Variants in CYP2U1 observed in about 807,000 individuals in gnomAD.
CYP2U1 encodes the protein cytochrome P450 family 2 subfamily U member 1, also known as cytochrome P450 2U1.
CYP2U1 carries 28 observed loss-of-function variants against 42.8 expected under a neutral mutation model. The ratio of observed to expected loss-of-function variants is 0.65; its 90% CI spans 0.48 to 0.90. CYP2U1 has a LOEUF of 0.90. Ranked by LOEUF, CYP2U1 falls within the 40% of genes least tolerant of loss-of-function variation. The probability of loss-of-function intolerance (pLI) is 0.00; values close to 1 mark genes in which losing one functional copy is unlikely to be tolerated. For missense variants in CYP2U1, 642 were observed against 693.8 expected (o/e 0.93, Z 0.84); for synonymous variants, 296 against 278.9 (o/e 1.06, Z -0.61).
Position 107,947,355 on chromosome 4 carries a change from T to G in CYP2U1, c.1127-21T>G. The G allele has an allele frequency of 1.9e-6, 3 of 1,613,300 alleles. No individual in the cohort carries two copies. In the South Asian group the frequency reaches 3.3e-5, roughly 18 times the overall value. On this transcript the variant is annotated intron_variant, in intron 2 of 4. Transcript: ENST00000332884. Reference sequence around the variant, plus strand: ...TCTGTCCCATGCTTATCTTCTGGTTTATTTTTCCCTTTTTACATAGAAAAG... The same window carrying G: ...TCTGTCCCATGCTTATCTTCTGGTTGATTTTTCCCTTTTTACATAGAAAAG...
At position 107,945,370 on chromosome 4, in the gene CYP2U1, C is replaced by T. The variant is rs1733661296; in HGVS notation, c.891C>T (p.Phe297=). Residue 297 remains phenylalanine (F), a synonymous_variant, in exon 2 of 5, where the codon TTC becomes TTT. Coordinates refer to ENST00000332884, the MANE Select transcript of CYP2U1 (RefSeq NM_183075.3). The stretch of plus-strand genomic sequence containing the variant: ...AAATTGAAAAGGATATAACCAGTTT[C>T]CTTAAAAAAATCATCAAAGACCATC... ...LRQIEKDITS[F]LKKIIKDHQE... The T allele has an allele frequency of 6.2e-7, 1 of 1,614,018 alleles. No individual in the cohort carries two copies. Among genetic ancestry groups the T allele is most frequent in the Non-Finnish European group, 8.5e-7 (1 of 1,180,006 alleles).
In CYP2U1 at chr4:107,953,143, C is replaced by G. The variant is rs1225281899; in HGVS notation, c.*2720C>G. 2 of 152,174 alleles carry G rather than the reference C, an allele frequency of 1.3e-5. No individual in the cohort carries two copies. The highest frequency in any genetic ancestry group is 2.9e-5 in the Non-Finnish European group (2 of 68,026). The allele number at this position is 152,174 out of a possible 1,614,324, so 9.4% of individuals were successfully genotyped here. ...TATATTACTCCTTAAATTATACATG[C>G]ATTTTCAATATTCCTAACCAAATAG... On this transcript the variant is annotated 3_prime_UTR_variant, in exon 5 of 5. Coordinates refer to ENST00000332884, the MANE Select transcript of CYP2U1 (RefSeq NM_183075.3).
Position 107,931,553 on chromosome 4 carries a change from C to A in CYP2U1, c.-91C>A. ...CCTGCCCGCCCCCGACCTTCCAGAGCAGAGCAGGACACTGGCGCCGCGGGT... is the reference window on the plus strand; with the variant it reads ...CCTGCCCGCCCCCGACCTTCCAGAGAAGAGCAGGACACTGGCGCCGCGGGT... On this transcript the variant is annotated 5_prime_UTR_variant, in exon 1 of 5. Transcript: ENST00000332884. 1 of 1,175,298 alleles carries A rather than the reference C, an allele frequency of 8.5e-7. No individual in the cohort carries two copies. The highest frequency in any genetic ancestry group is 1.1e-6 in the Non-Finnish European group (1 of 944,006). The allele number at this position is 1,175,298 out of a possible 1,614,324, so 72.8% of individuals were successfully genotyped here.
intron 3 of CYP2U1, 147 bp from the exon 4 acceptor site, chr4:107,949,203 T>C (rs755602411): frequency 4.6e-5 from 31 of 679,608 alleles, no homozygotes; most frequent in Non-Finnish European, 6.2e-5. Context: ...TAAGATCTTA[T>C]CCCTGCCCTC....
intron 4 of CYP2U1, among the ~76,000 whole-genome samples, 161 bp downstream of exon 4, chr4:107,949,678 G>T (rs1053239731): frequency 6.6e-6 from 1 of 152,152 alleles, no homozygotes; most frequent in African/African-American, 2.4e-5. Context: ...GTTCATTTCA[G>T]ATTTTAATAA....
rs1249279348 is a variant in CYP2U1 at position 107,949,666 on chromosome 4, A to G, written c.1456+149A>G. The G allele has an allele frequency of 5.8e-6, 4 of 689,772 alleles. No homozygotes were observed. In the East Asian group the frequency reaches 9.4e-5, roughly 16 times the overall value. The allele number at this position is 689,772 out of a possible 1,614,324, so 42.7% of individuals were successfully genotyped here. On this transcript the variant is annotated intron_variant, in intron 4 of 4. Transcript: ENST00000332884. ...ATAATTTAGACAAGGCATCTCCCCT[A>G]TGTTCATTTCAGATTTTAATAAAGC...
At chr4:107,948,044 G>A (rs1262042503) in intron 3 of CYP2U1, among the ~76,000 whole-genome samples, 1 of 152,142 alleles carries the variant, frequency 6.6e-6, no homozygotes, top group African/African-American at 2.4e-5. Context: ...GAGGCAGGTG[G>A]ATCACTTGAG....
chr4:107,947,164 C>T (rs1278025031), intron 2 of CYP2U1, among the ~76,000 whole-genome samples: 1 of 152,120 alleles, frequency 6.6e-6, no homozygotes, highest in Non-Finnish European at 1.5e-5. Context: ...TACACTATCC[C>T]ACTTCTAAGT....
rs952342320 is a variant in CYP2U1, at chr4:107,951,607, A to C, written c.*1184A>C. ...CTGCTGCCATGGGACCAGGATGCTA[A>C]ATGTCAAGGTAGTCCTATACAGTGA... On this transcript the variant is annotated 3_prime_UTR_variant, in exon 5 of 5. Coordinates refer to ENST00000332884, the MANE Select transcript of CYP2U1 (RefSeq NM_183075.3). The C allele has an allele frequency of 1.3e-5, 2 of 152,202 alleles. No individual in the cohort carries two copies. Among genetic ancestry groups the C allele is most frequent in the African/African-American group, 4.8e-5 (2 of 41,428 alleles). The allele number at this position is 152,202 out of a possible 1,614,324, so 9.4% of individuals were successfully genotyped here.
intron 1 of CYP2U1, 70 bp downstream of exon 1, chr4:107,932,203 A>C (rs1733027128): frequency 2.6e-6 from 4 of 1,513,158 alleles, no homozygotes; most frequent in Non-Finnish European, 2.6e-6. Flanking sequence ...TGGGGGCTGC[A>C]GTTCCTGTGC....
At chr4:107,943,164 C>G (rs1376924400) in intron 1 of CYP2U1, among the ~76,000 whole-genome samples, 2 of 152,194 alleles carry the variant, frequency 1.3e-5, no homozygotes, top group African/African-American at 2.4e-5. Context: ...TTTCAGCCTT[C>G]TGATTGACAA....
At position 107,932,105 on chromosome 4, in the gene CYP2U1, G is replaced by A. The variant is rs1733015931; in HGVS notation, c.462G>A (p.Pro154=). Residue 154 remains proline (P), a synonymous_variant, in exon 1 of 5, where the codon CCG becomes CCA. Coordinates refer to ENST00000332884, the MANE Select transcript of CYP2U1 (RefSeq NM_183075.3). ...AEVFSDRPRV[P]LISIVTKEKG... ...TCTTCAGCGACCGCCCGCGGGTGCC[G>A]CTCATCTCCATCGTGACCAAGGAGA... 3 of 1,601,542 alleles carry A rather than the reference G, an allele frequency of 1.9e-6. No homozygotes were observed.
rs540769307 is a variant in CYP2U1, at chr4:107,952,884, G to A, written c.*2461G>A. 6 of 152,164 alleles carry A rather than the reference G, an allele frequency of 3.9e-5. No individual in the cohort carries two copies. The highest frequency in any genetic ancestry group is 1.9e-4 in the East Asian group (1 of 5,184). The allele number at this position is 152,164 out of a possible 1,614,324, so 9.4% of individuals were successfully genotyped here. A position where few individuals can be genotyped will look rare whatever the true frequency, so the allele number is the denominator to read the frequency against. On this transcript the variant is annotated 3_prime_UTR_variant, in exon 5 of 5. Transcript: ENST00000332884. ...TTAGAAATATTACTAAGCACTTTCC[G>A]TATAGATAAATGAAATACAGGCTAA...
chr4:107,941,537 G>C (rs972658858), intron 1 of CYP2U1, among the ~76,000 whole-genome samples: 1 of 151,606 alleles, frequency 6.6e-6, no homozygotes, highest in Non-Finnish European at 1.5e-5. Flanking sequence ...GGGTAAAAAA[G>C]CAAGCAAATG....
chr4:107,935,176 G>A (rs62311382), intron 1 of CYP2U1, among the ~76,000 whole-genome samples: 25,912 of 152,098 alleles, frequency 0.17, 2,424 homozygotes, highest in Non-Finnish European at 0.21. Context: ...TCTCAACAGT[G>A]TAGTTTCCAA....
chr4:107,938,286 A>G (rs911836994), intron 1 of CYP2U1: 1 of 152,228 alleles, frequency 6.6e-6, no homozygotes. Context: ...ACAACTATAC[A>G]TCAATCCTCA....
intron 1 of CYP2U1, among the ~76,000 whole-genome samples, chr4:107,941,484 AT>A (rs1322283370): frequency 6.6e-6 from 1 of 152,190 alleles, no homozygotes; most frequent in African/African-American, 2.4e-5. Flanking sequence ...TTGGACAAAC[AT>A]TCTTCTCAAC....
In CYP2U1 at chr4:107,952,551, ACT is replaced by A. The variant is rs988439416; in HGVS notation, c.*2129_*2130del. 3 of 152,302 alleles carry A rather than the reference ACT, an allele frequency of 2.0e-5. No homozygotes were observed. Among genetic ancestry groups the A allele is most frequent in the Admixed American group, 1.3e-4 (2 of 15,300 alleles). The allele number at this position is 152,302 out of a possible 1,614,324, so 9.4% of individuals were successfully genotyped here. On this transcript the variant is annotated 3_prime_UTR_variant, in exon 5 of 5. Coordinates refer to ENST00000332884, the MANE Select transcript of CYP2U1 (RefSeq NM_183075.3). ...AAACACTTCTGTTTGGCCTTCTATA[ACT>A]GATCACCCTTCTTTGCTCTGTTTTC...
chr4:107,939,469 G>A, intron 1 of CYP2U1, among the ~76,000 whole-genome samples: 1 of 152,254 alleles, frequency 6.6e-6, no homozygotes, highest in African/African-American at 2.4e-5. Flanking sequence ...TTGAACAGAA[G>A]AACACACTCT....
Sources: gnomAD v4.1 joint callset for allele counts (sites outside exome capture counted in the v4.1 genomes callset) on GRCh38, gnomAD v4.1.1 for gene constraint, MANE v1.5 for transcripts, NCBI Gene and HGNC (gene_info 2026-07-23, HGNC 2026-07-21) for gene names.